Variants in CCDC198 observed in about 807,000 individuals in gnomAD.
The protein encoded by CCDC198 is factor associated with metabolism and energy.
In CCDC198, 18 loss-of-function variants were observed where a neutral mutation model predicts 35.6. The observed-to-expected ratio is 0.51, with a 90% confidence interval of 0.35 to 0.75. The LOEUF is 0.75. CCDC198 is among the 30% of genes least tolerant of loss of function. The pLI is 0.01. For missense variants in CCDC198, 365 were observed against 343.7 expected (o/e 1.06, Z -0.49); for synonymous variants, 119 against 113.4 (o/e 1.05, Z -0.31).
At chr14:57,487,195 T>C (rs1470592499) in intron 2 of CCDC198, among the ~76,000 whole-genome samples, 1 of 152,206 alleles carries the variant, frequency 6.6e-6, no homozygotes, top group Non-Finnish European at 1.5e-5. Context: ...TCGGTTAGAA[T>C]GACACCTTAT....
intron 3 of CCDC198, among the ~76,000 whole-genome samples, chr14:57,482,858 GA>G (rs1342687838): frequency 1.3e-5 from 2 of 152,216 alleles, no homozygotes; most frequent in Non-Finnish European, 2.9e-5. Context: ...GCTCATGCAA[GA>G]GGTAATAGCC....
chr14:57,486,866 C>T (rs1240411676), intron 2 of CCDC198, among the ~76,000 whole-genome samples: 1 of 152,136 alleles, frequency 6.6e-6, no homozygotes, highest in African/African-American at 2.4e-5. Context: ...TGGTAGATAT[C>T]TTCAAGAACT....
intron 5 of CCDC198, among the ~76,000 whole-genome samples, chr14:57,478,058 T>C (rs1454640818): frequency 6.6e-6 from 1 of 152,152 alleles, no homozygotes; most frequent in East Asian, 1.9e-4. Context: ...CAGCTACACC[T>C]CCCTGACTGG....
chr14:57,486,755 A>G (rs548174190), intron 2 of CCDC198, among the ~76,000 whole-genome samples: 34 of 152,292 alleles, frequency 2.2e-4, no homozygotes, highest in African/African-American at 7.5e-4. Flanking sequence ...AAATTCATGG[A>G]CCAAGTTTTT....
chr14:57,480,419 C>G, intron 5 of CCDC198, 176 bp downstream of exon 5: 1 of 769,710 alleles, frequency 1.3e-6, no homozygotes, highest in Non-Finnish European at 1.6e-6. Context: ...CTGTCTTTTC[C>G]TCCCAGCCAT....
At chr14:57,476,253 TTC>T (rs897310357) in intron 5 of CCDC198, among the ~76,000 whole-genome samples, 25 of 152,324 alleles carry the variant, frequency 1.6e-4, no homozygotes, top group African/African-American at 5.8e-4. Context: ...GCTATATTCT[TTC>T]TCTCTCTAGA....
intron 1 of CCDC198, 79 bp downstream of exon 1, chr14:57,493,414 C>T (rs2067643648): frequency 8.1e-7 from 1 of 1,239,166 alleles, no homozygotes; most frequent in Admixed American, 1.9e-5. Flanking sequence ...TTTCTGAGAT[C>T]ATGGAGACAG....
chr14:57,483,042 G>A (rs1261165168), intron 3 of CCDC198, 23 bp downstream of exon 3: 1 of 1,613,750 alleles, frequency 6.2e-7, no homozygotes, highest in African/African-American at 1.3e-5. Context: ...TCACCTCCCT[G>A]TCAGGTTACT....
At chr14:57,492,243 G>A (rs894430277) in intron 1 of CCDC198, among the ~76,000 whole-genome samples, 3 of 152,164 alleles carry the variant, frequency 2.0e-5, no homozygotes. Flanking sequence ...TGGAGCTGGG[G>A]TGAGAATATG....
intron 5 of CCDC198, chr14:57,478,877 G>A (rs1179403494): frequency 1.9e-5 from 22 of 1,160,620 alleles, no homozygotes; most frequent in South Asian, 1.3e-4. Context: ...GCAATTTTGC[G>A]TCTTAGAAGT....
At chr14:57,491,241 C>A (rs1386054195) in intron 1 of CCDC198, among the ~76,000 whole-genome samples, 170 bp from the exon 2 acceptor site, 1 of 152,046 alleles carries the variant, frequency 6.6e-6, no homozygotes, top group Non-Finnish European at 1.5e-5. Flanking sequence ...AGGGAACCTA[C>A]ATTAGTGCAC....
chr14:57,472,940 A>G (rs1251562434), intron 5 of CCDC198, among the ~76,000 whole-genome samples: 1 of 152,210 alleles, frequency 6.6e-6, no homozygotes. Flanking sequence ...ATGTCATCTT[A>G]ATGATGATTG....
At chr14:57,478,809 T>A in intron 5 of CCDC198, 1 of 1,113,458 alleles carries the variant, frequency 9.0e-7, no homozygotes, top group African/African-American at 1.6e-5. Context: ...TCTTATTTAA[T>A]TAACTTATTG....
chr14:57,493,036 T>C lies in CCDC198; in HGVS notation c.223+457A>G, dbSNP rs79778122. Among the ~76,000 whole-genome samples the C allele has an allele frequency of 4.4e-3, 669 of 152,264 alleles. 1 individual carries two copies. Among genetic ancestry groups the C allele is most frequent in the Non-Finnish European group, 7.5e-3 (509 of 68,010 alleles). ...AATACTGTTTAGGGTGGTTTCAAAA[T>C]TCATGTTAGAATTAACTCACTCTTA... On this transcript the variant is annotated intron_variant, in intron 1 of 5. Transcript: ENST00000216445.
intron 3 of CCDC198, among the ~76,000 whole-genome samples, chr14:57,482,261 G>C (rs867177711): frequency 3.9e-5 from 6 of 152,164 alleles, no homozygotes; most frequent in Non-Finnish European, 7.3e-5. Flanking sequence ...GCAGCCAGAG[G>C]TCAATATACC....
chr14:57,493,765 G>T lies in CCDC198; in HGVS notation c.-50C>A. 7.1e-7 allele frequency: 1 copy of T among 1,413,126 alleles called. No individual in the cohort carries two copies. The highest frequency in any genetic ancestry group is 9.9e-7 in the Non-Finnish European group (1 of 1,014,138). 87.5% of individuals were successfully genotyped at this position (1,413,126 alleles called of 1,614,324 possible). A position where few individuals can be genotyped will look rare whatever the true frequency, so the allele number is the denominator to read the frequency against. On this transcript the variant is annotated 5_prime_UTR_variant, in exon 1 of 6. Transcript: ENST00000216445. ...AAGCTGCGAGGGAAGTGGTTTTGGG[G>T]TCTTTAATATAGCTTATTTTAATCA...
Position 57,481,553 on chromosome 14 carries a change from A to G in CCDC198, c.495+6T>C, listed in dbSNP as rs1365425193. ...TTGGTAAATATGACACTCTTCTCGTATTTACCTCTTGTCTTTTACGGATCA... is the reference window on the plus strand; with the variant it reads ...TTGGTAAATATGACACTCTTCTCGTGTTTACCTCTTGTCTTTTACGGATCA... On this transcript the variant is annotated splice_donor_region_variant and intron_variant, in intron 4 of 5. Transcript: ENST00000216445. 1.3e-6 allele frequency: 2 copies of G among 1,598,822 alleles called. No individual in the cohort carries two copies. Among genetic ancestry groups the G allele is most frequent in the Non-Finnish European group, 1.7e-6 (2 of 1,167,646 alleles).
intron 5 of CCDC198, among the ~76,000 whole-genome samples, chr14:57,477,123 T>C (rs928025916): frequency 2.0e-5 from 3 of 152,210 alleles, no homozygotes; most frequent in Non-Finnish European, 4.4e-5. Flanking sequence ...GTAGAGTTAA[T>C]ATGAAGATTA....
intron 2 of CCDC198, 143 bp downstream of exon 2, chr14:57,490,846 C>T (rs920379298): frequency 2.3e-5 from 18 of 784,990 alleles, no homozygotes; most frequent in East Asian, 1.1e-4. Flanking sequence ...AGAGTATTTG[C>T]GATTGATGAC....
Sources: gnomAD v4.1 joint callset for allele counts (sites outside exome capture counted in the v4.1 genomes callset) on GRCh38, gnomAD v4.1.1 for gene constraint, MANE v1.5 for transcripts, NCBI Gene and HGNC (gene_info 2026-07-23, HGNC 2026-07-21) for gene names.